Variants in CEP112 observed in about 807,000 individuals in gnomAD.
CEP112 encodes the protein centrosomal protein 112.
A neutral mutation model predicts 153.0 loss-of-function variants in CEP112; 127 were observed. The ratio of observed to expected loss-of-function variants is 0.83; its 90% CI spans 0.72 to 0.96. The LOEUF (loss-of-function observed/expected upper bound fraction) is 0.96. CEP112 is among the 40% of genes least tolerant of loss of function. The pLI is 0.00. For missense variants in CEP112, 1,089 were observed against 1,101.2 expected, an observed-to-expected ratio of 0.99 and a Z score of 0.16; for synonymous variants, 358 against 374.4, an observed-to-expected ratio of 0.96 and a Z score of 0.51.
intron 8 of CEP112, among the ~76,000 whole-genome samples, chr17:66,093,327 G>A (rs2068216314): frequency 6.6e-6 from 1 of 152,034 alleles, no homozygotes; most frequent in Non-Finnish European, 1.5e-5. Context: ...AAGCAACAGA[G>A]CATGACTGTC....
At chr17:66,044,604 G>A (rs541999803) in intron 12 of CEP112, among the ~76,000 whole-genome samples, 38 of 152,240 alleles carry the variant, frequency 2.5e-4, no homozygotes, top group African/African-American at 7.5e-4. Context: ...AGTGAAATAC[G>A]CCAGTCACTG....
At chr17:65,678,061 C>T (rs1246669745) in intron 24 of CEP112, among the ~76,000 whole-genome samples, 1 of 152,154 alleles carries the variant, frequency 6.6e-6, no homozygotes, top group South Asian at 2.1e-4. Flanking sequence ...TTAAGTGGCC[C>T]CTCGGAATGT....
rs1035947137 is a variant in CEP112, at chr17:65,711,024, C to T, written c.2608-21806G>A. ...CATTCCTGGGTGAGACAGCATGGCT[C>T]GTTGGTGGCGACGAGTGGGTGGCGA... is the stretch of plus-strand genomic sequence containing the variant. On this transcript the variant is annotated intron_variant, in intron 23 of 26. Transcript: ENST00000535342. 8.5e-5 allele frequency among the ~76,000 whole-genome samples: 13 copies of T among 152,284 alleles called. No individual in the cohort carries two copies. In the East Asian group the frequency reaches 1.2e-3, roughly 14 times the overall value.
intron 19 of CEP112, among the ~76,000 whole-genome samples, chr17:65,910,569 C>G (rs1347925786): frequency 6.6e-6 from 1 of 152,016 alleles, no homozygotes; most frequent in Non-Finnish European, 1.5e-5. Context: ...GATAAAACAA[C>G]AGAATTAACC....
chr17:65,709,124 C>T (rs542766785), intron 23 of CEP112, among the ~76,000 whole-genome samples: 2 of 152,246 alleles, frequency 1.3e-5, no homozygotes, highest in Admixed American at 6.5e-5. Context: ...GTCAAAATAA[C>T]AATAATCTCC....
At chr17:65,858,855 A>C (rs1049258249) in intron 20 of CEP112, among the ~76,000 whole-genome samples, 9 of 152,300 alleles carry the variant, frequency 5.9e-5, no homozygotes, top group Admixed American at 5.9e-4. Context: ...ATACGTTGAC[A>C]TTGATAAGAA....
chr17:65,962,319 A>T (rs946340779), intron 17 of CEP112, among the ~76,000 whole-genome samples: 46 of 152,292 alleles, frequency 3.0e-4, no homozygotes, highest in Middle Eastern at 3.4e-3. Context: ...TATGTCTACC[A>T]GAAGTTAATC....
intron 21 of CEP112, among the ~76,000 whole-genome samples, chr17:65,818,664 T>G (rs766893453): frequency 1.3e-5 from 2 of 151,880 alleles, no homozygotes; most frequent in Non-Finnish European, 3.0e-5. Context: ...TGAGACTAAA[T>G]GATTTCTACT....
chr17:66,086,764 A>AT (rs1284955102), intron 8 of CEP112, among the ~76,000 whole-genome samples: 1 of 152,102 alleles, frequency 6.6e-6, no homozygotes, highest in Non-Finnish European at 1.5e-5. Context: ...AAACGTAAAT[A>AT]TATTACCAGT....
intron 1 of CEP112, among the ~76,000 whole-genome samples, chr17:66,187,272 T>C (rs11871189): frequency 0.034 from 5,190 of 152,266 alleles, 132 homozygotes; most frequent in Middle Eastern, 0.061. Flanking sequence ...TATCACTTCC[T>C]GTTTAAAAAT....
At chr17:65,945,066 C>A (rs1211304600) in intron 18 of CEP112, among the ~76,000 whole-genome samples, 1 of 152,184 alleles carries the variant, frequency 6.6e-6, no homozygotes, top group East Asian at 1.9e-4. Context: ...ACCTCTCCAT[C>A]CAAGAATAAC....
intron 21 of CEP112, among the ~76,000 whole-genome samples, chr17:65,781,830 C>A (rs1360492809): frequency 1.3e-5 from 2 of 152,066 alleles, no homozygotes; most frequent in Non-Finnish European, 2.9e-5. Context: ...AAAATGGATC[C>A]CTTTTACCAT....
intron 23 of CEP112, among the ~76,000 whole-genome samples, chr17:65,696,473 A>G (rs1013118914): frequency 6.6e-6 from 1 of 152,152 alleles, no homozygotes; most frequent in African/African-American, 2.4e-5. Flanking sequence ...AGTGTTGATT[A>G]AAGTTTTGCC....
Position 66,003,929 on chromosome 17 carries a change from G to A in CEP112, c.1736+1761C>T, listed in dbSNP as rs559617132. 8.2e-4 allele frequency among the ~76,000 whole-genome samples: 124 copies of A among 151,880 alleles called. 4 individuals carry two copies. In the South Asian group the frequency reaches 0.018, roughly 22 times the overall value. On this transcript the variant is annotated intron_variant, in intron 17 of 26. Transcript: ENST00000535342. ...TGGAAAAACTGTCTTCCATGAAACC[G>A]GTCCCTGGTGCCAAAAAGTTTGAGG...
chr17:66,004,181 A>AT (rs1825788184), intron 17 of CEP112, among the ~76,000 whole-genome samples: 1 of 152,172 alleles, frequency 6.6e-6, no homozygotes, highest in African/African-American at 2.4e-5. Flanking sequence ...CATCCTATTC[A>AT]TTAAAAAAAG....
intron 20 of CEP112, among the ~76,000 whole-genome samples, chr17:65,896,858 A>G (rs1208536753): frequency 6.6e-6 from 1 of 152,168 alleles, no homozygotes; most frequent in East Asian, 1.9e-4. Flanking sequence ...TAAAGAAAAT[A>G]GAGAATTGTA....
chr17:65,846,811 C>T (rs1469977008), intron 21 of CEP112, among the ~76,000 whole-genome samples: 3 of 152,138 alleles, frequency 2.0e-5, no homozygotes, highest in African/African-American at 4.8e-5. Context: ...CCTTGTGATT[C>T]GCCCGCCTCG....
At chr17:65,825,501 A>G (rs77583193) in intron 21 of CEP112, among the ~76,000 whole-genome samples, 1,535 of 152,200 alleles carry the variant, frequency 0.01, 13 homozygotes, top group Non-Finnish European at 0.016. Flanking sequence ...CATCAAATAC[A>G]TACAGGAAGT....
chr17:65,879,423 T>C (rs2146582014), intron 20 of CEP112, among the ~76,000 whole-genome samples: 1 of 152,366 alleles, frequency 6.6e-6, no homozygotes, highest in South Asian at 2.1e-4. Context: ...GTAAGACTAA[T>C]TTCAGATTTC....
Sources: gnomAD v4.1 joint callset for allele counts (sites outside exome capture counted in the v4.1 genomes callset) on GRCh38, gnomAD v4.1.1 for gene constraint, MANE v1.5 for transcripts, NCBI Gene and HGNC (gene_info 2026-07-23, HGNC 2026-07-21) for gene names.